GRID2: variants seen among roughly 807,000 people sequenced by gnomAD.
GRID2 encodes the protein glutamate receptor ionotropic, delta-2.
Under a neutral mutation model 114.8 loss-of-function variants are expected in GRID2, and 33 were observed. The ratio of observed to expected loss-of-function variants is 0.29; its 90% confidence interval spans 0.22 to 0.38. The LOEUF is 0.38. GRID2 is among the 10% of genes least tolerant of loss of function. The pLI, the probability that GRID2 is intolerant of heterozygous loss-of-function variation, is 1.00. For synonymous variants in GRID2, 505 were observed against 449.9 expected, an observed-to-expected ratio of 1.12 and a Z score of -1.55; for missense variants, 1,184 against 1,257.7, an observed-to-expected ratio of 0.94 and a Z score of 0.89.
intron 2 of GRID2, among the ~76,000 whole-genome samples, chr4:92,911,746 G>T (rs956775860): frequency 1.3e-4 from 19 of 151,208 alleles, no homozygotes; most frequent in Admixed American, 1.1e-3. Context: ...AATAAATAGA[G>T]ACTTGCTTTC....
chr4:93,216,972 G>C (rs1037668863), intron 6 of GRID2, 61 bp downstream of exon 6: 1 of 1,117,750 alleles, frequency 8.9e-7, no homozygotes, highest in African/African-American at 1.5e-5. Flanking sequence ...TGCAAGGAGA[G>C]CTTTATGAGT....
chr4:92,790,093 T>C (rs1292049085), intron 2 of GRID2, among the ~76,000 whole-genome samples: 1 of 151,920 alleles, frequency 6.6e-6, no homozygotes, highest in Non-Finnish European at 1.5e-5. Flanking sequence ...ACTTGCTTAA[T>C]GTATGTATAT....
intron 14 of GRID2, among the ~76,000 whole-genome samples, chr4:93,757,740 G>C (rs1242844639): frequency 1.3e-5 from 2 of 152,186 alleles, no homozygotes; most frequent in Non-Finnish European, 2.9e-5. Flanking sequence ...TGAATCATCT[G>C]AGGTCAGGAG....
At chr4:93,107,254 A>G (rs1425493480) in intron 3 of GRID2, among the ~76,000 whole-genome samples, 2 of 152,124 alleles carry the variant, frequency 1.3e-5, no homozygotes, top group African/African-American at 2.4e-5. Context: ...AGCTGATGTC[A>G]TGCCACTACA....
intron 2 of GRID2, among the ~76,000 whole-genome samples, chr4:92,880,229 T>G (rs977776473): frequency 2.6e-5 from 4 of 152,144 alleles, no homozygotes; most frequent in African/African-American, 9.7e-5. Flanking sequence ...GGTGGAGCAT[T>G]TGGAGGAGTA....
At chr4:93,397,345 G>A (rs1244172605) in intron 9 of GRID2, among the ~76,000 whole-genome samples, 3 of 151,866 alleles carry the variant, frequency 2.0e-5, no homozygotes, top group African/African-American at 7.2e-5. Flanking sequence ...TTACATTGAT[G>A]CACTAATATT....
In GRID2 at chr4:93,717,296, G is replaced by A. The variant is rs921001794; in HGVS notation, c.2361-51914G>A. Among the ~76,000 whole-genome samples the A allele has an allele frequency of 4.6e-5, 7 of 151,934 alleles. No homozygotes were observed. In the East Asian group the frequency reaches 7.7e-4, roughly 17 times the overall value. ...AAGGAGAAGTATTTTCTCAGTTTTA[G>A]TTTTTAAAGTTGGTTTTTTATTGTC... is the stretch of plus-strand genomic sequence containing the variant. On this transcript the variant is annotated intron_variant, in intron 14 of 15. Coordinates refer to ENST00000282020, the MANE Select transcript of GRID2 (RefSeq NM_001510.4).
At chr4:92,606,584 C>T (rs1729464112) in intron 2 of GRID2, among the ~76,000 whole-genome samples, 1 of 151,972 alleles carries the variant, frequency 6.6e-6, no homozygotes, top group Non-Finnish European at 1.5e-5. Context: ...GTATCACTCT[C>T]TTGAAATTCA....
chr4:92,919,719 G>A (rs1309177480), intron 2 of GRID2, among the ~76,000 whole-genome samples: 1 of 152,168 alleles, frequency 6.6e-6, no homozygotes, highest in African/African-American at 2.4e-5. Flanking sequence ...CTGAGAGACA[G>A]TTTGTTATAA....
intron 2 of GRID2, among the ~76,000 whole-genome samples, chr4:92,908,246 T>C (rs963341209): frequency 6.6e-6 from 1 of 152,158 alleles, no homozygotes; most frequent in Admixed American, 6.5e-5. Flanking sequence ...CTTTTACATG[T>C]AAAATATTCA....
chr4:92,354,051 C>G (rs1196995051), intron 1 of GRID2, among the ~76,000 whole-genome samples: 1 of 151,962 alleles, frequency 6.6e-6, no homozygotes, highest in Non-Finnish European at 1.5e-5. Context: ...AGACAAATGC[C>G]ATGTGCTGGC....
At chr4:92,667,259 C>G (rs1484970485) in intron 2 of GRID2, among the ~76,000 whole-genome samples, 2 of 151,650 alleles carry the variant, frequency 1.3e-5, no homozygotes, top group Admixed American at 6.6e-5. Flanking sequence ...TCCTACTCCA[C>G]TGTCTTCCCA....
intron 2 of GRID2, among the ~76,000 whole-genome samples, chr4:92,911,637 A>G (rs17020002): frequency 0.022 from 3,283 of 152,024 alleles, 53 homozygotes; most frequent in East Asian, 0.054. Flanking sequence ...TGTCATGAAG[A>G]AAATATATTG....
intron 2 of GRID2, among the ~76,000 whole-genome samples, chr4:92,668,780 G>T (rs1732909033): frequency 6.6e-6 from 1 of 151,712 alleles, no homozygotes; most frequent in African/African-American, 2.4e-5. Flanking sequence ...TCACATTTTT[G>T]CTTCCTCCAC....
chr4:93,037,100 T>C (rs1412255599), intron 2 of GRID2, among the ~76,000 whole-genome samples: 1 of 152,130 alleles, frequency 6.6e-6, no homozygotes, highest in Non-Finnish European at 1.5e-5. Flanking sequence ...AAATTGTTTT[T>C]ATTTTACTTC....
At position 93,455,671 on chromosome 4, in the gene GRID2, A is replaced by G. The variant is rs746146851; in HGVS notation, c.1555A>G (p.Ile519Val). Residue 519 changes from isoleucine (I) to valine (V), a missense_variant, in exon 11 of 16, where the codon ATA becomes GTA. Physicochemically the swap from Ile to Val is conservative, Grantham distance 29. Around this residue, in one of 3 missense-constraint regions of GRID2, gnomAD observed 717 missense variants for 796.9 expected, o/e 0.90. Transcript: ENST00000282020. ...TCTTTCAATTTCTCAGAGAGCCGAC[A>G]TAGGGATTTCTGCTTTAACCATCAC... is the stretch of plus-strand genomic sequence containing the variant. ...VGELVFKRAD[I>V]GISALTITPD... 2.5e-6 allele frequency: 4 copies of G among 1,608,494 alleles called. No individual in the cohort carries two copies. Among genetic ancestry groups the G allele is most frequent in the Non-Finnish European group, 3.4e-6 (4 of 1,175,072 alleles).
chr4:92,777,964 C>A lies in GRID2; in HGVS notation c.244+187678C>A, dbSNP rs77120888. Among the ~76,000 whole-genome samples, 196 of 152,160 alleles carry A rather than the reference C, an allele frequency of 1.3e-3. 4 individuals are homozygous for A. In the East Asian group the frequency reaches 0.035, roughly 27 times the overall value. On this transcript the variant is annotated intron_variant, in intron 2 of 15. Transcript: ENST00000282020. ...TAATACAGGGAGTCCTACGTTTAAC[C>A]CCCATGCAAATGTGTAGAGTAACTA...
chr4:92,497,501 G>T (rs571634691), intron 1 of GRID2, among the ~76,000 whole-genome samples: 1 of 151,644 alleles, frequency 6.6e-6, no homozygotes, highest in Non-Finnish European at 1.5e-5. Context: ...TAGTATATTA[G>T]CCTATAATTT....
rs554941654 is a variant in GRID2, at chr4:93,039,618, A to G, written c.245-45377A>G. ...CTGTTTTGTAATGGAGACCAGTTAT[A>G]TCTAACAGAGGGCAACAGTGTCTAT... On this transcript the variant is annotated intron_variant, in intron 2 of 15. Coordinates refer to ENST00000282020, the MANE Select transcript of GRID2 (RefSeq NM_001510.4). 1.4e-3 allele frequency among the ~76,000 whole-genome samples: 218 copies of G among 152,260 alleles called. 1 individual carries two copies. The highest frequency in any genetic ancestry group is 5.2e-3 in the African/African-American group (215 of 41,550).
Sources: allele counts gnomAD v4.1 joint callset (sites outside exome capture counted in the v4.1 genomes callset), GRCh38; gene constraint gnomAD v4.1.1; regional missense constraint gnomAD v4.1.1; transcripts MANE v1.5; gene names NCBI Gene and HGNC (gene_info 2026-07-23, HGNC 2026-07-21).